The following FOXN3 variants were observed in gnomAD, a reference collection of about 807,000 sequenced individuals.
FOXN3 encodes forkhead box N3.
Under a neutral mutation model 38.4 loss-of-function variants are expected in FOXN3, and 7 were observed. That is an observed-to-expected ratio of 0.18 (90% CI 0.10 to 0.34). The LOEUF is 0.34. FOXN3 is among the 10% of genes least tolerant of loss of function. The probability of loss-of-function intolerance (pLI) is 1.00; values close to 1 mark genes in which losing one functional copy is unlikely to be tolerated. For missense variants in FOXN3, 456 were observed against 613.4 expected (o/e 0.74, Z 2.71); for synonymous variants, 230 against 242.2 (o/e 0.95, Z 0.47).
chr14:89,422,296 C>A (rs763450465), intron 1 of FOXN3, among the ~76,000 whole-genome samples: 95 of 152,338 alleles, frequency 6.2e-4, no homozygotes, highest in Middle Eastern at 3.4e-3. Flanking sequence ...GGCCCACCCC[C>A]AGAGTTTCTG....
chr14:89,187,681 G>A (rs1451423033), intron 4 of FOXN3, among the ~76,000 whole-genome samples: 1 of 152,214 alleles, frequency 6.6e-6, no homozygotes, highest in East Asian at 1.9e-4. Context: ...AAAGGTGGCG[G>A]GGGTAGGGGG....
At chr14:89,580,131 CAG>C (rs992752159) in intron 1 of FOXN3, among the ~76,000 whole-genome samples, 1 of 152,180 alleles carries the variant, frequency 6.6e-6, no homozygotes, top group East Asian at 1.9e-4. Flanking sequence ...GTATTTCTAG[CAG>C]AGTCTAGGAA....
At chr14:89,597,003 A>G (rs777424686) in intron 1 of FOXN3, among the ~76,000 whole-genome samples, 3 of 152,038 alleles carry the variant, frequency 2.0e-5, no homozygotes, top group Non-Finnish European at 4.4e-5. Flanking sequence ...TTTCTTCAAC[A>G]CTGTAAAAAA....
chr14:89,564,954 C>T (rs747124507), intron 1 of FOXN3, among the ~76,000 whole-genome samples: 39 of 151,668 alleles, frequency 2.6e-4, no homozygotes, highest in Admixed American at 2.4e-3. Context: ...ATTAGCTGGG[C>T]GTGATGGTGC....
At chr14:89,465,228 T>G (rs567026514) in intron 1 of FOXN3, among the ~76,000 whole-genome samples, 8 of 152,032 alleles carry the variant, frequency 5.3e-5, no homozygotes, top group Admixed American at 1.3e-4. Flanking sequence ...TCTTTGTTTT[T>G]TTTTGTTTTG....
intron 2 of FOXN3, among the ~76,000 whole-genome samples, chr14:89,406,584 C>T (rs1037773327): frequency 2.0e-5 from 3 of 152,230 alleles, no homozygotes; most frequent in South Asian, 2.1e-4. Context: ...ATAGGGCCTA[C>T]TTCATAGGGT....
rs149540872 is a variant in FOXN3 at position 89,183,410 on chromosome 14, CTA to C, written c.746-2606_746-2605del. Reference sequence around the variant, plus strand: ...ACTAAAACTTTTACCAAGTACTTTCCTATATATTAGATGATGGGGATATAAGG... The same window carrying C: ...ACTAAAACTTTTACCAAGTACTTTCCTATATTAGATGATGGGGATATAAGG... On this transcript the variant is annotated intron_variant, in intron 4 of 5. Transcript: ENST00000557258. Among the ~76,000 whole-genome samples, 839 of 152,082 alleles carry C rather than the reference CTA, an allele frequency of 5.5e-3. 7 individuals are homozygous for C. Among genetic ancestry groups the C allele is most frequent in the African/African-American group, 0.018 (764 of 41,440 alleles).
At chr14:89,481,654 A>G (rs886426744) in intron 1 of FOXN3, among the ~76,000 whole-genome samples, 17 of 152,208 alleles carry the variant, frequency 1.1e-4, no homozygotes, top group Non-Finnish European at 2.9e-5. Flanking sequence ...GTGTGACTGA[A>G]TAATTCAAAC....
intron 1 of FOXN3, among the ~76,000 whole-genome samples, chr14:89,612,986 ACG>A (rs1896422446): frequency 1.3e-5 from 2 of 151,650 alleles, no homozygotes; most frequent in South Asian, 4.2e-4. Flanking sequence ...GCGTGGTGGC[ACG>A]CACCTGTAAT....
intron 1 of FOXN3, among the ~76,000 whole-genome samples, chr14:89,498,892 C>T (rs949879605): frequency 2.6e-5 from 4 of 151,950 alleles, no homozygotes; most frequent in South Asian, 2.1e-4. Context: ...GGACGCTTTG[C>T]GATGAAAAGC....
chr14:89,187,456 T>C (rs1040877928), intron 4 of FOXN3, among the ~76,000 whole-genome samples: 1 of 152,174 alleles, frequency 6.6e-6, no homozygotes, highest in Admixed American at 6.5e-5. Context: ...CACCCCTACA[T>C]AGGCTGCCCA....
At chr14:89,430,640 C>G (rs1294608527) in intron 1 of FOXN3, among the ~76,000 whole-genome samples, 3 of 152,116 alleles carry the variant, frequency 2.0e-5, no homozygotes, top group Non-Finnish European at 2.9e-5. Context: ...GAAGACATCG[C>G]GAGAGTTAAG....
At chr14:89,384,080 A>T (rs1279898435) in intron 2 of FOXN3, among the ~76,000 whole-genome samples, 1 of 152,240 alleles carries the variant, frequency 6.6e-6, no homozygotes, top group African/African-American at 2.4e-5. Flanking sequence ...GATATGCTAC[A>T]ATCATTAGAG....
At chr14:89,617,662 C>T (rs1053061981) in intron 1 of FOXN3, among the ~76,000 whole-genome samples, 1 of 152,182 alleles carries the variant, frequency 6.6e-6, no homozygotes, top group African/African-American at 2.4e-5. Context: ...TTGTAAAGTG[C>T]TGTGTATACG....
At chr14:89,325,230 C>CACCACCACCATCA (rs1888019979) in intron 3 of FOXN3, among the ~76,000 whole-genome samples, 1 of 113,512 alleles carries the variant, frequency 8.8e-6, no homozygotes, top group Admixed American at 8.2e-5. Flanking sequence ...CCACCACCAC[C>CACCACCACCATCA]ATCACTACCA....
At chr14:89,235,383 G>T (rs988216217) in intron 4 of FOXN3, among the ~76,000 whole-genome samples, 1 of 151,926 alleles carries the variant, frequency 6.6e-6, no homozygotes, top group Non-Finnish European at 1.5e-5. Flanking sequence ...CTGTGTGAGG[G>T]GCTTCTGCCA....
At chr14:89,305,030 C>T (rs1052569194) in intron 3 of FOXN3, among the ~76,000 whole-genome samples, 6 of 151,432 alleles carry the variant, frequency 4.0e-5, no homozygotes, top group East Asian at 1.9e-4. Flanking sequence ...ATGACTCACA[C>T]TATATTTGCT....
In FOXN3 at chr14:89,435,456, G is replaced by A. The variant is rs1374634116; in HGVS notation, c.-14-22966C>T. Among the ~76,000 whole-genome samples, 4 of 151,472 alleles carry A rather than the reference G, an allele frequency of 2.6e-5. No individual in the cohort carries two copies. In the East Asian group the frequency reaches 7.7e-4, roughly 29 times the overall value. ...CCAAGCTGTATACATGAGAGACAGA[G>A]AAGAAGCATACTCCCTTAACTCACT... On this transcript the variant is annotated intron_variant, in intron 1 of 6. Transcript: ENST00000345097.
At chr14:89,277,040 A>C (rs576474007) in intron 4 of FOXN3, among the ~76,000 whole-genome samples, 1 of 152,342 alleles carries the variant, frequency 6.6e-6, no homozygotes, top group South Asian at 2.1e-4. Context: ...ACAACAAATC[A>C]TCCAAGGGTG....
Sources: gnomAD v4.1 joint callset for allele counts (sites outside exome capture counted in the v4.1 genomes callset) on GRCh38, gnomAD v4.1.1 for gene constraint, MANE v1.5 for transcripts, NCBI Gene and HGNC (gene_info 2026-07-23, HGNC 2026-07-21) for gene names.